The following WDPCP variants were observed in gnomAD, a reference collection of about 807,000 sequenced individuals.
WDPCP encodes the protein WD repeat-containing and planar cell polarity effector protein fritz homolog.
In WDPCP, 71 loss-of-function variants were observed where a neutral mutation model predicts 93.1. The observed-to-expected ratio is 0.76, with a 90% CI of 0.63 to 0.93. The LOEUF (loss-of-function observed/expected upper bound fraction) is 0.93, where lower values mean the gene tolerates loss of function less well. Ranked by LOEUF, WDPCP falls within the 40% of genes least tolerant of loss-of-function variation. The pLI, the probability that WDPCP is intolerant of heterozygous loss-of-function variation, is 0.00. For synonymous variants in WDPCP, 315 were observed against 315.0 expected (o/e 1.00, Z 0.00); for missense variants, 844 against 887.4 (o/e 0.95, Z 0.62).
chr2:63,443,544 A>G (rs982657556), intron 6 of WDPCP, among the ~76,000 whole-genome samples: 1 of 152,170 alleles, frequency 6.6e-6, no homozygotes, highest in Non-Finnish European at 1.5e-5. Context: ...TGAAAGGGAT[A>G]TTCATAGAGG....
chr2:63,314,628 C>T (rs1559312986), intron 12 of WDPCP, among the ~76,000 whole-genome samples: 1 of 152,048 alleles, frequency 6.6e-6, no homozygotes, highest in Non-Finnish European at 1.5e-5. Context: ...TTCTTAGTCT[C>T]CTTTGCTAGT....
At chr2:63,294,541 GA>G (rs960470675) in intron 13 of WDPCP, among the ~76,000 whole-genome samples, 3 of 87,662 alleles carry the variant, frequency 3.4e-5, no homozygotes, top group African/African-American at 1.3e-4. Context: ...AGTGCTGAAA[GA>G]AAAAAAATGT....
Position 63,247,318 on chromosome 2 carries a change from A to G in WDPCP, c.1915+11989T>C, listed in dbSNP as rs896527098. 6.5e-4 allele frequency among the ~76,000 whole-genome samples: 99 copies of G among 152,320 alleles called. 2 individuals are homozygous for G. The highest frequency in any genetic ancestry group is 2.2e-3 in the African/African-American group (92 of 41,592). On this transcript the variant is annotated intron_variant, in intron 14 of 17. Coordinates refer to ENST00000272321, the MANE Select transcript of WDPCP (RefSeq NM_015910.7). ...TGATAACAGGTATTCTGATGATGCT[A>G]CTGTACTACTTAGTTATCCTGAACA...
chr2:63,787,652 C>T (rs1271497619), intron 2 of WDPCP, among the ~76,000 whole-genome samples: 1 of 152,122 alleles, frequency 6.6e-6, no homozygotes, highest in African/African-American at 2.4e-5. Flanking sequence ...AGTTTGGGCA[C>T]TGACCATAAT....
chr2:63,772,648 A>G (rs566734972), intron 2 of WDPCP, among the ~76,000 whole-genome samples: 3 of 152,204 alleles, frequency 2.0e-5, no homozygotes, highest in East Asian at 1.9e-4. Flanking sequence ...TTATCAATCA[A>G]TGTAATTCAT....
At chr2:63,553,579 T>C (rs1166152225) in intron 1 of WDPCP, among the ~76,000 whole-genome samples, 1 of 152,164 alleles carries the variant, frequency 6.6e-6, no homozygotes, top group African/African-American at 2.4e-5. Flanking sequence ...TAATTTTCCA[T>C]TCTTCTATTT....
intron 2 of WDPCP, among the ~76,000 whole-genome samples, chr2:63,781,987 CAG>C (rs144612725): frequency 0.18 from 27,590 of 152,016 alleles, 2,744 homozygotes; most frequent in Middle Eastern, 0.26. Context: ...CTGGGAAATG[CAG>C]AGAGAATTGG....
At chr2:63,274,010 C>T (rs953101895) in intron 13 of WDPCP, among the ~76,000 whole-genome samples, 8 of 152,116 alleles carry the variant, frequency 5.3e-5, no homozygotes, top group African/African-American at 1.9e-4. Context: ...ACCTAACAGA[C>T]ATTTACAGAA....
At chr2:63,502,514 G>C (rs532806909) in intron 1 of WDPCP, among the ~76,000 whole-genome samples, 3 of 152,088 alleles carry the variant, frequency 2.0e-5, no homozygotes, top group Non-Finnish European at 4.4e-5. Flanking sequence ...TGCCAACCTG[G>C]TAGGTGAAAA....
At chr2:63,574,329 C>A (rs1384912693) in intron 1 of WDPCP, among the ~76,000 whole-genome samples, 1 of 152,072 alleles carries the variant, frequency 6.6e-6, no homozygotes, top group Admixed American at 6.5e-5. Context: ...CTCAGACTGG[C>A]CGACACTTAG....
At chr2:63,395,604 G>T (rs1262891033) in intron 10 of WDPCP, among the ~76,000 whole-genome samples, 6 of 152,114 alleles carry the variant, frequency 3.9e-5, no homozygotes, top group African/African-American at 1.4e-4. Context: ...ATGCTCATCA[G>T]CTTCCGGAGA....
At chr2:63,305,632 A>G (rs1685673239) in intron 13 of WDPCP, among the ~76,000 whole-genome samples, 1 of 152,200 alleles carries the variant, frequency 6.6e-6, no homozygotes, top group Non-Finnish European at 1.5e-5. Flanking sequence ...AATTCCAAAA[A>G]CCAGAAAGCT....
intron 3 of WDPCP, chr2:63,597,644 CA>C: frequency 7.7e-7 from 1 of 1,290,524 alleles, no homozygotes; most frequent in South Asian, 3.0e-5. Flanking sequence ...AGCATTTAAG[CA>C]AAACCAAAAT....
intron 12 of WDPCP, among the ~76,000 whole-genome samples, chr2:63,358,649 G>T (rs1690204046): frequency 6.6e-6 from 1 of 152,072 alleles, no homozygotes; most frequent in Non-Finnish European, 1.5e-5. Flanking sequence ...TAGAGATGGG[G>T]TCTCACTTTG....
At chr2:63,240,138 T>TAAA (rs1679750073) in intron 14 of WDPCP, among the ~76,000 whole-genome samples, 1 of 152,136 alleles carries the variant, frequency 6.6e-6, no homozygotes, top group Non-Finnish European at 1.5e-5. Context: ...TAGTCTTTAC[T>TAAA]AGTTTAGCCA....
chr2:63,713,077 T>C (rs987326336), intron 2 of WDPCP, among the ~76,000 whole-genome samples: 4 of 152,202 alleles, frequency 2.6e-5, no homozygotes, highest in East Asian at 1.9e-4. Flanking sequence ...AATTACAACA[T>C]GGCAGGATCC....
chr2:63,774,003 T>C (rs1320148199), intron 2 of WDPCP, among the ~76,000 whole-genome samples: 1 of 152,102 alleles, frequency 6.6e-6, no homozygotes, highest in Non-Finnish European at 1.5e-5. Flanking sequence ...AGTCACTGTA[T>C]ATTCTAGGGA....
intron 15 of WDPCP, among the ~76,000 whole-genome samples, chr2:63,166,152 C>T (rs564867485): frequency 1.2e-3 from 188 of 152,088 alleles, no homozygotes; most frequent in Middle Eastern, 6.8e-3. Flanking sequence ...GTGCAACCTC[C>T]GCCTCTCGGG....
At chr2:63,160,006 G>A (rs1254801785) in intron 15 of WDPCP, among the ~76,000 whole-genome samples, 1 of 152,154 alleles carries the variant, frequency 6.6e-6, no homozygotes, top group East Asian at 1.9e-4. Context: ...ACTTGACTAG[G>A]CCCAAGTGGT....
Sources: gnomAD v4.1 joint callset for allele counts (sites outside exome capture counted in the v4.1 genomes callset) on GRCh38, gnomAD v4.1.1 for gene constraint, MANE v1.5 for transcripts, NCBI Gene and HGNC (gene_info 2026-07-23, HGNC 2026-07-21) for gene names.